Variants in TENM3 observed in about 807,000 individuals in gnomAD.
TENM3 encodes teneurin transmembrane protein 3.
Under a neutral mutation model 255.1 loss-of-function variants are expected in TENM3, and 63 were observed. The observed-to-expected ratio is 0.25, with a 90% confidence interval of 0.20 to 0.30. The LOEUF (loss-of-function observed/expected upper bound fraction) is 0.30. Among genes scored for constraint, TENM3 ranks in the 10% least tolerant of loss-of-function variants. The pLI is 1.00. For missense variants in TENM3, 2,929 were observed against 3,461.1 expected (o/e 0.85, Z 3.86); for synonymous variants, 1,306 against 1,322.3 (o/e 0.99, Z 0.27).
chr4:182,764,964 A>G (rs994954250), intron 22 of TENM3, among the ~76,000 whole-genome samples: 1 of 152,218 alleles, frequency 6.6e-6, no homozygotes, highest in Non-Finnish European at 1.5e-5. Flanking sequence ...TGCTGTCTGA[A>G]TGTAAGAGGT....
At chr4:181,542,191 A>G in the TENM3 span, among the ~76,000 whole-genome samples, 1 of 152,238 alleles carries the variant, frequency 6.6e-6, no homozygotes, top group African/African-American at 2.4e-5. Flanking sequence ...CACTTAAAAG[A>G]TGAGAATAAC....
At chr4:181,592,662 C>CTT in the TENM3 span, among the ~76,000 whole-genome samples, 1,482 of 130,054 alleles carry the variant, frequency 0.011, 38 homozygotes, top group African/African-American at 0.031. Flanking sequence ...GAAAATCTCT[C>CTT]TTTTTTTTTT....
chr4:182,322,433 TC>T (rs1431648542), intron 1 of TENM3, among the ~76,000 whole-genome samples: 1 of 152,158 alleles, frequency 6.6e-6, no homozygotes, highest in African/African-American at 2.4e-5. Flanking sequence ...CTCCAAACCT[TC>T]CCAGGTCTGG....
At chr4:182,128,373 T>G in the TENM3 span, among the ~76,000 whole-genome samples, 1 of 152,168 alleles carries the variant, frequency 6.6e-6, no homozygotes, top group Non-Finnish European at 1.5e-5. Flanking sequence ...GAGACGGGTC[T>G]TGCTATGTTG....
the TENM3 span, among the ~76,000 whole-genome samples, chr4:182,079,113 G>C: frequency 2.6e-5 from 4 of 152,200 alleles, no homozygotes; most frequent in Non-Finnish European, 5.9e-5. Context: ...TTGTGCTTTT[G>C]TCAAAATTGC....
chr4:181,992,911 A>G, the TENM3 span, among the ~76,000 whole-genome samples: 1 of 152,184 alleles, frequency 6.6e-6, no homozygotes, highest in East Asian at 1.9e-4. Flanking sequence ...TGGCTCTACA[A>G]TTCCATACTT....
chr4:181,528,227 G>A, the TENM3 span, among the ~76,000 whole-genome samples: 19,678 of 151,948 alleles, frequency 0.13, 1,422 homozygotes, highest in East Asian at 0.2. Context: ...ACCCAATATG[G>A]CATTTAAAAA....
rs538065555 is a variant in TENM3, at chr4:182,293,772, A to G, written c.-75-30174A>G. Among the ~76,000 whole-genome samples the G allele has an allele frequency of 1.4e-4, 22 of 152,004 alleles. No individual in the cohort carries two copies. The South Asian group carries it at 2.9e-3, about 20-fold the overall frequency. On this transcript the variant is annotated intron_variant, in intron 1 of 27. Transcript: ENST00000511685. ...AAGCGCCCACCCCGAGTCCCTTCCA[A>G]ATTTTTTCTCCCTTTGGCCCTCCTC...
chr4:181,886,057 T>G, the TENM3 span, among the ~76,000 whole-genome samples: 2 of 148,756 alleles, frequency 1.3e-5, no homozygotes, highest in African/African-American at 2.5e-5. Context: ...GGTTTTTTTT[T>G]TTTTTTTTTT....
the TENM3 span, among the ~76,000 whole-genome samples, chr4:181,954,361 G>C: frequency 0.31 from 47,395 of 151,796 alleles, 7,634 homozygotes; most frequent in African/African-American, 0.38. Context: ...GTTTTACAAA[G>C]TGTTTGTATC....
At chr4:181,874,764 A>G in the TENM3 span, among the ~76,000 whole-genome samples, 78,934 of 151,948 alleles carry the variant, frequency 0.52, 21,820 homozygotes, top group Middle Eastern at 0.66. Context: ...CAGATGCTAC[A>G]GCAGCCCCGG....
At chr4:181,951,747 A>G in the TENM3 span, among the ~76,000 whole-genome samples, 1 of 152,240 alleles carries the variant, frequency 6.6e-6, no homozygotes, top group African/African-American at 2.4e-5. Flanking sequence ...AAACTGGTAC[A>G]TGCTTTTCTT....
the TENM3 span, among the ~76,000 whole-genome samples, chr4:182,020,247 T>G: frequency 6.6e-6 from 1 of 151,902 alleles, no homozygotes; most frequent in Non-Finnish European, 1.5e-5. Context: ...GAGCCTGTAA[T>G]CTCAGCTACT....
intron 3 of TENM3, among the ~76,000 whole-genome samples, chr4:182,526,456 C>T (rs1029251869): frequency 3.3e-5 from 5 of 152,084 alleles, no homozygotes; most frequent in African/African-American, 9.7e-5. Context: ...ATCAAACACA[C>T]GACTCTCTCT....
the TENM3 span, among the ~76,000 whole-genome samples, chr4:181,490,278 G>A: frequency 6.6e-6 from 1 of 152,096 alleles, no homozygotes; most frequent in Non-Finnish European, 1.5e-5. Context: ...GTTTCATGAG[G>A]GAATATTTTT....
intron 1 of TENM3, among the ~76,000 whole-genome samples, chr4:182,196,315 G>A (rs1285194626): frequency 2.0e-5 from 3 of 152,088 alleles, no homozygotes; most frequent in Non-Finnish European, 2.9e-5. Flanking sequence ...CATTCAGATG[G>A]TTCAGGAAGA....
chr4:182,219,412 A>T (rs1755715217), intron 1 of TENM3, among the ~76,000 whole-genome samples: 2 of 152,222 alleles, frequency 1.3e-5, no homozygotes, highest in Middle Eastern at 6.8e-3. Flanking sequence ...AATCCAACCC[A>T]TCACCGTAAG....
the TENM3 span, among the ~76,000 whole-genome samples, chr4:181,469,396 T>G: frequency 1.3e-5 from 2 of 152,216 alleles, no homozygotes; most frequent in Non-Finnish European, 2.9e-5. Flanking sequence ...TAAGAAACAA[T>G]GTTTTTACTT....
intron 3 of TENM3, among the ~76,000 whole-genome samples, chr4:182,461,214 ATCT>A (rs1774298783): frequency 1.3e-5 from 2 of 152,196 alleles, no homozygotes; most frequent in African/African-American, 2.4e-5. Flanking sequence ...GCATCACCTG[ATCT>A]TCTCTCTCCC....
Sources: allele counts gnomAD v4.1 joint callset (sites outside exome capture counted in the v4.1 genomes callset), GRCh38; gene constraint gnomAD v4.1.1; transcripts MANE v1.5; gene names NCBI Gene and HGNC (gene_info 2026-07-23, HGNC 2026-07-21).